The following CELA3A variants were observed in gnomAD, a reference collection of about 807,000 sequenced individuals.
CELA3A encodes chymotrypsin-like elastase family member 3A.
In CELA3A, 35 loss-of-function variants were observed where a neutral mutation model predicts 38.6. That is an observed-to-expected ratio of 0.91 (90% CI 0.69 to 1.20). The LOEUF (loss-of-function observed/expected upper bound fraction) is 1.20, where lower values mean the gene tolerates loss of function less well. CELA3A is among the 50% of genes most tolerant of loss of function. The pLI, the probability that CELA3A is intolerant of heterozygous loss-of-function variation, is 0.00. For synonymous variants in CELA3A, 143 were observed against 136.7 expected (o/e 1.05, Z -0.32); for missense variants, 343 against 354.2 (o/e 0.97, Z 0.25).
Position 22,009,926 on chromosome 1 carries a change from C to G in CELA3A, c.795+69C>G, listed in dbSNP as rs552457943. 14 of 1,549,220 alleles carry G rather than the reference C, an allele frequency of 9.0e-6. No individual in the cohort carries two copies. In the Admixed American group the frequency reaches 2.9e-4, roughly 32 times the overall value. On this transcript the variant is annotated intron_variant, in intron 7 of 7. Transcript: ENST00000290122. ...CTTCTGAGAGGTGACAGGTGAGAAA[C>G]ATCGGATCCTGGGGAGGGCCTGAAA...
chr1:22,009,854 G>A lies in CELA3A; in HGVS notation c.792G>A (p.Glu264=). The change falls in exon 7 of 8, where the codon GAG becomes GAA. Residue 264 remains glutamate, a synonymous_variant. Transcript: ENST00000290122. ...TRVSAFIDWI[E]ETIASH ...TCTCCGCCTTCATCGACTGGATTGA[G>A]GAGGTGAGGAGGGCAGGGCGGCCCG... The A allele has an allele frequency of 6.2e-7, 1 of 1,611,796 alleles. No homozygotes were observed. Among genetic ancestry groups the A allele is most frequent in the East Asian group, 2.2e-5 (1 of 44,604 alleles).
Position 22,007,473 on chromosome 1 carries a change from A to C in CELA3A, c.600A>C (p.Lys200Asn). The change falls in exon 6 of 8, where the codon AAA becomes AAC. Residue 200 changes from lysine to asparagine, a missense_variant. Coordinates refer to ENST00000290122, the MANE Select transcript of CELA3A (RefSeq NM_005747.5). ...ACTGGTGGGGTTCCACCGTGAAGAA[A>C]ACCATGGTGTGTGCTGGAGGGTACA... ...RWNWWGSTVK[K>N]TMVCAGGYIR... 3.1e-6 allele frequency: 5 copies of C among 1,612,274 alleles called. No homozygotes were observed. Among genetic ancestry groups the C allele is most frequent in the Non-Finnish European group, 4.2e-6 (5 of 1,179,264 alleles).
At chr1:22,004,067 TTTTC>T (rs1219003298) in intron 2 of CELA3A, among the ~76,000 whole-genome samples, 3 of 88,338 alleles carry the variant, frequency 3.4e-5, no homozygotes, top group African/African-American at 1.2e-4. Flanking sequence ...TTTTCTTTTC[TTTTC>T]TTTGTTTTTT....
chr1:22,003,969 G>T (rs897805395), intron 2 of CELA3A, among the ~76,000 whole-genome samples: 9 of 150,996 alleles, frequency 6.0e-5, no homozygotes, highest in African/African-American at 2.0e-4. Context: ...CTCTCAAAGT[G>T]CTGGGATTAC....
chr1:22,007,320 G>A, intron 5 of CELA3A, 53 bp from the exon 6 acceptor site: 1 of 1,553,084 alleles, frequency 6.4e-7, no homozygotes, highest in Non-Finnish European at 8.7e-7. Flanking sequence ...TTCCTCTGGG[G>A]CACCTAGCGG....
rs1426193887 is a variant in CELA3A at position 22,011,777 on chromosome 1, G to A, written c.796-673G>A. On this transcript the variant is annotated intron_variant, in intron 7 of 7. Coordinates refer to ENST00000290122, the MANE Select transcript of CELA3A (RefSeq NM_005747.5). ...TCTGTCTTAAAAAAAAAAAAAGGCC[G>A]GGCGTGGTGGCTCACACCCGTAATC... is the stretch of plus-strand genomic sequence containing the variant. Among the ~76,000 whole-genome samples, 8 of 124,384 alleles carry A rather than the reference G, an allele frequency of 6.4e-5. 2 individuals carry two copies. Among genetic ancestry groups the A allele is most frequent in the African/African-American group, 6.6e-5 (2 of 30,180 alleles). 81.6% of individuals were successfully genotyped at this position (124,384 alleles called of 152,430 possible).
chr1:22,006,509 A>T (rs1419545115), intron 4 of CELA3A, among the ~76,000 whole-genome samples: 1 of 151,236 alleles, frequency 6.6e-6, no homozygotes, highest in African/African-American at 2.5e-5. Context: ...CCTGGGCAAC[A>T]GAGCGAGACT....
At chr1:22,005,251 C>T (rs1644942448) in intron 2 of CELA3A, among the ~76,000 whole-genome samples, 196 bp from the exon 3 acceptor site, 1 of 151,726 alleles carries the variant, frequency 6.6e-6, no homozygotes, top group African/African-American at 2.4e-5. Flanking sequence ...AATGTGACCC[C>T]CATGGAAAAG....
chr1:22,005,695 G>A lies in CELA3A; in HGVS notation c.261G>A (p.Glu87=), dbSNP rs762299222. The change falls in exon 4 of 8, where the codon GAG becomes GAA. Residue 87 remains glutamate, a synonymous_variant. Coordinates refer to ENST00000290122, the MANE Select transcript of CELA3A (RefSeq NM_005747.5). ...TGACCTACCAGGTGGTGTTGGGTGA[G>A]TACAACCTTGCTGTGAAGGAGGGCC... ...RDLTYQVVLG[E]YNLAVKEGPE... 6 of 1,612,442 alleles carry A rather than the reference G, an allele frequency of 3.7e-6. No homozygotes were observed. Among genetic ancestry groups the A allele is most frequent in the Middle Eastern group, 1.7e-4 (1 of 6,056 alleles).
intron 6 of CELA3A, among the ~76,000 whole-genome samples, chr1:22,009,370 A>T (rs2152819827): frequency 6.6e-6 from 1 of 150,630 alleles, no homozygotes; most frequent in South Asian, 2.1e-4. Context: ...TCTCTAATAA[A>T]AAATAAATAA....
chr1:22,002,868 C>T lies in CELA3A; in HGVS notation c.44-135C>T, dbSNP rs1217062604. On this transcript the variant is annotated intron_variant, in intron 1 of 7. Coordinates refer to ENST00000290122, the MANE Select transcript of CELA3A (RefSeq NM_005747.5). ...AATGTTCACTGTTCATATGTGGTTA[C>T]TGAGGTCCAGAGGGCGAAAGGGGCT... The T allele has an allele frequency of 5.3e-6, 4 of 751,956 alleles. No homozygotes were observed. The East Asian group carries it at 1.2e-4, about 22-fold the overall frequency. The allele number at this position is 751,956 out of a possible 1,614,324, so 46.6% of individuals were successfully genotyped here.
chr1:22,006,354 T>C (rs1366745303), intron 4 of CELA3A, among the ~76,000 whole-genome samples: 1 of 150,984 alleles, frequency 6.6e-6, no homozygotes, highest in Non-Finnish European at 1.5e-5. Context: ...GCCTTTCAAG[T>C]GTATGAAAAA....
At chr1:22,009,056 A>G (rs1283524925) in intron 6 of CELA3A, among the ~76,000 whole-genome samples, 2 of 151,558 alleles carry the variant, frequency 1.3e-5, no homozygotes, top group African/African-American at 4.9e-5. Flanking sequence ...CCTGGCCAAC[A>G]TGGTGAAATC....
intron 6 of CELA3A, among the ~76,000 whole-genome samples, chr1:22,007,994 AC>A (rs1257229420): frequency 6.7e-6 from 1 of 150,262 alleles, no homozygotes; most frequent in Non-Finnish European, 1.5e-5. Context: ...CTACAGAAAA[AC>A]TTTTTTTACT....
intron 1 of CELA3A, 84 bp downstream of exon 1, chr1:22,001,801 G>C (rs1644920243): frequency 6.4e-7 from 1 of 1,562,852 alleles, no homozygotes; most frequent in Non-Finnish European, 8.8e-7. Context: ...TGAGTCCCAT[G>C]ACATGCTATG....
At chr1:22,007,768 C>T (rs1260850156) in intron 6 of CELA3A, among the ~76,000 whole-genome samples, 3 of 151,316 alleles carry the variant, frequency 2.0e-5, no homozygotes, top group Admixed American at 2.0e-4. Flanking sequence ...GGTCCTCAGG[C>T]TTCCGCATCA....
chr1:22,002,238 C>G (rs948530897), intron 1 of CELA3A, among the ~76,000 whole-genome samples: 2 of 151,390 alleles, frequency 1.3e-5, no homozygotes, highest in African/African-American at 2.4e-5. Flanking sequence ...CTTATACTTT[C>G]TCATGTAATT....
rs574336233 is a variant in CELA3A, at chr1:22,007,010, C to T, written c.495C>T (p.Leu165=). Reference sequence around the variant, plus strand: ...GCTACATCACCGGCTGGGGCCGTCTCTATAGTACGTGCTGACTTCTCTAGC... The same window carrying T: ...GCTACATCACCGGCTGGGGCCGTCTTTATAGTACGTGCTGACTTCTCTAGC... ...TPCYITGWGR[L]YTNGPLPDKL... The change falls in exon 5 of 8, where the codon CTC becomes CTT. Residue 165 remains leucine (L), a synonymous_variant. Coordinates refer to ENST00000290122, the MANE Select transcript of CELA3A (RefSeq NM_005747.5). The T allele has an allele frequency of 7.4e-6, 12 of 1,612,344 alleles. 2 individuals are homozygous for T. Among genetic ancestry groups the T allele is most frequent in the African/African-American group, 4.0e-5 (3 of 74,314 alleles).
At chr1:22,004,677 T>A (rs1644938010) in intron 2 of CELA3A, among the ~76,000 whole-genome samples, 1 of 151,876 alleles carries the variant, frequency 6.6e-6, no homozygotes, top group Non-Finnish European at 1.5e-5. Context: ...GTCCACAGTT[T>A]GCTAACCCTG....
Sources: allele counts gnomAD v4.1 joint callset (sites outside exome capture counted in the v4.1 genomes callset), GRCh38; gene constraint gnomAD v4.1.1; transcripts MANE v1.5; gene names NCBI Gene and HGNC (gene_info 2026-07-23, HGNC 2026-07-21).